NPSR1: variants seen among roughly 807,000 people sequenced by gnomAD.
The protein encoded by NPSR1 is neuropeptide S receptor.
NPSR1 carries 48 observed loss-of-function variants against 46.9 expected under a neutral mutation model. The observed-to-expected ratio is 1.02, with a 90% confidence interval of 0.81 to 1.30. The LOEUF is 1.30. Among genes scored for constraint, NPSR1 ranks in the 50% most tolerant of loss-of-function variants. The pLI is 0.00. For synonymous variants in NPSR1, 176 were observed against 168.1 expected, an observed-to-expected ratio of 1.05 and a Z score of -0.36; for missense variants, 450 against 449.5, an observed-to-expected ratio of 1.00 and a Z score of -0.01.
At chr7:34,712,304 C>G (rs148256371) in intron 2 of NPSR1, among the ~76,000 whole-genome samples, 2 of 152,266 alleles carry the variant, frequency 1.3e-5, no homozygotes, top group Non-Finnish European at 2.9e-5. Flanking sequence ...TAAGACTTTC[C>G]TGCCTTCTCC....
intron 2 of NPSR1, among the ~76,000 whole-genome samples, chr7:34,698,962 A>G (rs1265162972): frequency 1.3e-5 from 2 of 152,226 alleles, no homozygotes; most frequent in Non-Finnish European, 2.9e-5. Context: ...AGTGTAACCC[A>G]TATAACCCGA....
At chr7:34,778,345 GA>G in intron 2 of NPSR1, 116 bp from the exon 3 acceptor site, 2 of 582,220 alleles carry the variant, frequency 3.4e-6, no homozygotes, top group South Asian at 2.5e-5. Flanking sequence ...AAGCAGGAAG[GA>G]AAAAAATTAA....
chr7:34,788,065 G>C (rs1787544417), intron 3 of NPSR1, among the ~76,000 whole-genome samples: 1 of 152,012 alleles, frequency 6.6e-6, no homozygotes, highest in Admixed American at 6.6e-5. Flanking sequence ...ATGACAAAAT[G>C]AGGTATATTT....
intron 2 of NPSR1, among the ~76,000 whole-genome samples, chr7:34,741,049 T>C (rs1249595057): frequency 1.3e-5 from 2 of 152,266 alleles, no homozygotes; most frequent in East Asian, 1.9e-4. Flanking sequence ...AGAAACCTAC[T>C]GTCAATCTTA....
intron 8 of NPSR1, among the ~76,000 whole-genome samples, chr7:34,860,174 T>G (rs1336013729): frequency 3.3e-5 from 5 of 151,664 alleles, no homozygotes; most frequent in African/African-American, 1.2e-4. Flanking sequence ...TGGCCATGTG[T>G]TGATGTGATG....
intron 6 of NPSR1, 23 bp from the exon 7 acceptor site, chr7:34,844,873 C>T: frequency 7.0e-7 from 1 of 1,428,284 alleles, no homozygotes; most frequent in South Asian, 1.1e-5. Context: ...CTTCATCTTA[C>T]TATTCCCCTC....
intron 5 of NPSR1, among the ~76,000 whole-genome samples, chr7:34,828,480 AG>A (rs1789962603): frequency 2.0e-5 from 3 of 152,228 alleles, no homozygotes; most frequent in Non-Finnish European, 2.9e-5. Context: ...GCCATGTGGC[AG>A]GATCACCCTC....
intron 2 of NPSR1, among the ~76,000 whole-genome samples, chr7:34,737,183 A>T (rs1411133722): frequency 6.6e-6 from 1 of 151,932 alleles, no homozygotes; most frequent in Non-Finnish European, 1.5e-5. Flanking sequence ...GTATGAGTAA[A>T]CTCTCCATGT....
intron 2 of NPSR1, among the ~76,000 whole-genome samples, chr7:34,777,631 G>A (rs1787029262): frequency 6.6e-6 from 1 of 152,088 alleles, no homozygotes; most frequent in African/African-American, 2.4e-5. Context: ...CTTGCTGAGG[G>A]AGGAAGAGGG....
At chr7:34,802,884 AC>A (rs1425510877) in intron 3 of NPSR1, among the ~76,000 whole-genome samples, 2 of 150,266 alleles carry the variant, frequency 1.3e-5, no homozygotes, top group East Asian at 3.9e-4. Flanking sequence ...AAAACAAACA[AC>A]CCCATCAAAA....
intron 3 of NPSR1, 104 bp from the exon 4 acceptor site, chr7:34,811,666 G>A (rs1788992135): frequency 1.4e-6 from 1 of 717,742 alleles, no homozygotes; most frequent in Admixed American, 2.6e-5. Flanking sequence ...CCCTTCTTTG[G>A]TTCACCTCTC....
chr7:34,825,037 C>T (rs761345307), intron 4 of NPSR1, among the ~76,000 whole-genome samples: 1 of 152,212 alleles, frequency 6.6e-6, no homozygotes, highest in Non-Finnish European at 1.5e-5. Context: ...CTCCCTCCAC[C>T]TCCTGCCTCC....
At chr7:34,696,728 G>A (rs1583829222) in intron 2 of NPSR1, among the ~76,000 whole-genome samples, 1 of 150,706 alleles carries the variant, frequency 6.6e-6, no homozygotes, top group East Asian at 1.9e-4. Flanking sequence ...TAGTGAAAAG[G>A]ACTCCCAGAA....
At chr7:34,857,244 T>C (rs1490802158) in intron 8 of NPSR1, among the ~76,000 whole-genome samples, 1 of 151,654 alleles carries the variant, frequency 6.6e-6, no homozygotes, top group African/African-American at 2.4e-5. Flanking sequence ...AGGAATTTGG[T>C]AGAACTTGGT....
At position 34,775,354 on chromosome 7, in the gene NPSR1, A is replaced by G. The variant is rs149709444; in HGVS notation, c.281-3108A>G. On this transcript the variant is annotated intron_variant, in intron 2 of 8. Transcript: ENST00000360581. ...GGTATCAGGATAATATTGGCCTCGT[A>G]GAATGAGTTTGGAAGTATTCCCTCC... Among the ~76,000 whole-genome samples, 524 of 152,344 alleles carry G rather than the reference A, an allele frequency of 3.4e-3. 3 individuals are homozygous for G. The highest frequency in any genetic ancestry group is 0.012 in the African/African-American group (509 of 41,582).
At chr7:34,823,411 AAAAAAC>A (rs1490610507) in intron 4 of NPSR1, among the ~76,000 whole-genome samples, 10 of 146,734 alleles carry the variant, frequency 6.8e-5, no homozygotes, top group African/African-American at 2.4e-4. Flanking sequence ...AAAAAAAAAA[AAAAAAC>A]AACACCATAA....
At chr7:34,808,858 T>C (rs1788837212) in intron 3 of NPSR1, among the ~76,000 whole-genome samples, 1 of 152,242 alleles carries the variant, frequency 6.6e-6, no homozygotes, top group South Asian at 2.1e-4. Context: ...GCATTTCTTT[T>C]AGGTAACTTT....
At chr7:34,789,781 A>G (rs556372495) in intron 3 of NPSR1, among the ~76,000 whole-genome samples, 1 of 151,444 alleles carries the variant, frequency 6.6e-6, no homozygotes, top group South Asian at 2.1e-4. Context: ...ACCTAGAGGA[A>G]ATGGATAAGT....
intron 1 of NPSR1, among the ~76,000 whole-genome samples, chr7:34,663,067 C>CTCTCTCTCTCTCTCTGTGTGTGTGTG (rs35826710): frequency 1.2e-3 from 121 of 99,392 alleles, no homozygotes; most frequent in East Asian, 2.9e-3. Flanking sequence ...CTCTCTCTCT[C>CTCTCTCTCTCTCTCTGTGTGTGTGTG]TGTGTGTGTG....
Sources: allele counts gnomAD v4.1 joint callset (sites outside exome capture counted in the v4.1 genomes callset), GRCh38; gene constraint gnomAD v4.1.1; transcripts MANE v1.5; gene names NCBI Gene and HGNC (gene_info 2026-07-23, HGNC 2026-07-21).